The following RNF130 variants were observed in gnomAD, a reference collection of about 807,000 sequenced individuals.
RNF130 encodes the protein E3 ubiquitin-protein ligase RNF130.
Under a neutral mutation model 44.6 loss-of-function variants are expected in RNF130, and 21 were observed. The observed-to-expected ratio is 0.47, with a 90% CI of 0.33 to 0.68. The LOEUF is 0.68. Ranked by LOEUF, RNF130 falls within the 30% of genes least tolerant of loss-of-function variation. The pLI, the probability that RNF130 is intolerant of heterozygous loss-of-function variation, is 0.02. For missense variants in RNF130, 479 were observed against 560.6 expected, an observed-to-expected ratio of 0.85 and a Z score of 1.47; for synonymous variants, 214 against 210.4, an observed-to-expected ratio of 1.02 and a Z score of -0.15.
At chr5:180,052,956 T>C (rs751882001) in intron 1 of RNF130, among the ~76,000 whole-genome samples, 2 of 152,116 alleles carry the variant, frequency 1.3e-5, no homozygotes, top group African/African-American at 2.4e-5. Flanking sequence ...GGTCTCAAGA[T>C]TGGCCTATAA....
chr5:180,053,825 CTT>C (rs56130424), intron 1 of RNF130, among the ~76,000 whole-genome samples: 376 of 133,104 alleles, frequency 2.8e-3, no homozygotes, highest in Admixed American at 3.0e-3. Context: ...CAAATACATT[CTT>C]TTTTTTTTTT....
At chr5:179,978,979 T>C (rs1457313570) in intron 4 of RNF130, among the ~76,000 whole-genome samples, 1 of 152,186 alleles carries the variant, frequency 6.6e-6, no homozygotes, top group Non-Finnish European at 1.5e-5. Flanking sequence ...ATTTGCTGTG[T>C]CACTGTCACT....
intron 8 of RNF130, chr5:179,956,440 A>G (rs1762213080): frequency 6.6e-6 from 1 of 152,290 alleles, no homozygotes; most frequent in African/African-American, 2.4e-5. Flanking sequence ...TTTTTACCTA[A>G]TCTATCTTCC....
chr5:179,941,642 G>T (rs1761969982), intron 7 of RNF130, among the ~76,000 whole-genome samples: 2 of 152,158 alleles, frequency 1.3e-5, no homozygotes, highest in South Asian at 4.1e-4. Context: ...TTGAATACTG[G>T]ATTCATATCT....
intron 3 of RNF130, among the ~76,000 whole-genome samples, chr5:180,002,111 T>G (rs976099667): frequency 1.3e-5 from 2 of 152,192 alleles, no homozygotes; most frequent in Non-Finnish European, 2.9e-5. Context: ...GCTTAGGTAC[T>G]GGGATGTGTG....
At chr5:179,961,037 G>A (rs1038461114) in intron 8 of RNF130, among the ~76,000 whole-genome samples, 2 of 151,780 alleles carry the variant, frequency 1.3e-5, no homozygotes, top group African/African-American at 4.8e-5. Context: ...TTGGGTAAGA[G>A]TACTATTATC....
At chr5:180,032,323 A>G (rs117722055) in intron 2 of RNF130, among the ~76,000 whole-genome samples, 2 of 152,282 alleles carry the variant, frequency 1.3e-5, no homozygotes, top group East Asian at 3.9e-4. Flanking sequence ...TTTGTCTAAT[A>G]TCCAAGTGAA....
chr5:180,053,685 A>G (rs773961437), intron 1 of RNF130, among the ~76,000 whole-genome samples: 8 of 152,332 alleles, frequency 5.3e-5, no homozygotes, highest in Admixed American at 2.0e-4. Flanking sequence ...CCCAGGGCCA[A>G]CTAAATGATG....
At chr5:180,044,930 G>C (rs556227266) in intron 1 of RNF130, among the ~76,000 whole-genome samples, 11 of 152,308 alleles carry the variant, frequency 7.2e-5, no homozygotes, top group Admixed American at 5.2e-4. Context: ...GTGCACTTAA[G>C]AGACTGAAGG....
At chr5:180,050,173 G>T (rs369302040) in intron 1 of RNF130, among the ~76,000 whole-genome samples, 1 of 152,188 alleles carries the variant, frequency 6.6e-6, no homozygotes, top group Non-Finnish European at 1.5e-5. Flanking sequence ...GATACAAAGG[G>T]ATTTATTATA....
At chr5:180,038,417 T>A (rs1036623508) in intron 2 of RNF130, among the ~76,000 whole-genome samples, 7 of 150,494 alleles carry the variant, frequency 4.7e-5, no homozygotes, top group Admixed American at 2.0e-4. Context: ...TTTTGTTTTT[T>A]TTTTTATTTT....
intron 1 of RNF130, 94 bp from the exon 2 acceptor site, chr5:180,040,741 T>C: frequency 8.5e-7 from 1 of 1,179,122 alleles, no homozygotes; most frequent in Non-Finnish European, 1.2e-6. Context: ...CACACAGAGC[T>C]AAAGCACGTG....
intron 1 of RNF130, among the ~76,000 whole-genome samples, chr5:180,044,591 T>C (rs1016327892): frequency 2.6e-5 from 4 of 152,098 alleles, no homozygotes; most frequent in Non-Finnish European, 5.9e-5. Flanking sequence ...CCCAGCACTT[T>C]GGGAGGCCGA....
chr5:179,914,847 T>C (rs1277961493), exon 8 of RNF130: 2 of 151,894 alleles, frequency 1.3e-5, no homozygotes, highest in African/African-American at 4.8e-5. Context: ...CTGGGCAACA[T>C]GGAGAAGCTC....
chr5:179,952,539 CATG>C (rs952551520), downstream of RNF130, among the ~76,000 whole-genome samples: 5 of 152,138 alleles, frequency 3.3e-5, no homozygotes, highest in Admixed American at 6.5e-5. Context: ...CAGATAAGGA[CATG>C]ATAAGAATTA....
chr5:179,966,850 C>T lies in RNF130; in HGVS notation c.1106G>A (p.Gly369Glu). ...TSGISPLPQD[G>E]ELTPRTGEIN... ...TTCTCCTGTTCTCGGAGTGAGCTCCCCATCCTGAGGAAGAGGTGAGATCCC... is the reference window on the plus strand; with the variant it reads ...TTCTCCTGTTCTCGGAGTGAGCTCCTCATCCTGAGGAAGAGGTGAGATCCC... Residue 369 changes from glycine to glutamate, a missense_variant, in exon 7 of 9, where the codon GGG becomes GAG. Around this residue, in one of 3 missense-constraint regions of RNF130, gnomAD observed 161 missense variants for 158.6 expected, o/e 1.02. Coordinates refer to ENST00000521389, the MANE Select transcript of RNF130 (RefSeq NM_018434.6). The T allele has an allele frequency of 6.2e-7, 1 of 1,614,152 alleles. No individual in the cohort carries two copies. Among genetic ancestry groups the T allele is most frequent in the Non-Finnish European group, 8.5e-7 (1 of 1,180,030 alleles).
intron 1 of RNF130, among the ~76,000 whole-genome samples, chr5:180,050,058 T>C (rs1228740150): frequency 1.3e-5 from 2 of 152,230 alleles, no homozygotes; most frequent in East Asian, 3.8e-4. Flanking sequence ...AACAGAAATG[T>C]ATTCTCCCAC....
At chr5:180,009,554 C>G (rs367590940) in intron 3 of RNF130, among the ~76,000 whole-genome samples, 3 of 152,176 alleles carry the variant, frequency 2.0e-5, no homozygotes, top group Non-Finnish European at 4.4e-5. Context: ...ACTCAACAAT[C>G]ACAAGAGATG....
At position 180,068,677 on chromosome 5, in the gene RNF130, A is replaced by G. The variant is rs372680501; in HGVS notation, c.247+2779T>C. ...TAGTAGCACTGCAAAGCGAACAGGA[A>G]GGTTTCTAGTTTCATAAATCAATCC... On this transcript the variant is annotated intron_variant, in intron 1 of 8. Transcript: ENST00000521389. Among the ~76,000 whole-genome samples the G allele has an allele frequency of 7.2e-5, 11 of 152,354 alleles. No individual in the cohort carries two copies. The East Asian group carries it at 1.2e-3, about 16-fold the overall frequency.
Sources: gnomAD v4.1 joint callset for allele counts (sites outside exome capture counted in the v4.1 genomes callset) on GRCh38, gnomAD v4.1.1 for gene constraint, gnomAD v4.1.1 regional missense constraint, MANE v1.5 for transcripts, NCBI Gene and HGNC (gene_info 2026-07-23, HGNC 2026-07-21) for gene names.